The following HOXC4 variants were observed in gnomAD, a reference collection of about 807,000 sequenced individuals.
The protein encoded by HOXC4 is homeobox C4, also known as homeobox protein Hox-C4.
Under a neutral mutation model 25.5 loss-of-function variants are expected in HOXC4, and 15 were observed. That is an observed-to-expected ratio of 0.59 (90% confidence interval 0.39 to 0.91). HOXC4 has a LOEUF of 0.91. HOXC4 is among the 40% of genes least tolerant of loss of function. HOXC4 has a pLI of 0.00. For synonymous variants in HOXC4, 165 were observed against 148.0 expected (o/e 1.11, Z -0.83); for missense variants, 342 against 352.4 (o/e 0.97, Z 0.24).
intron 1 of HOXC4, among the ~76,000 whole-genome samples, chr12:54,029,242 G>A (rs996816155): frequency 2.6e-5 from 4 of 152,226 alleles, no homozygotes; most frequent in Non-Finnish European, 4.4e-5. Flanking sequence ...AAGGGAGGGG[G>A]AGAGGAGAGG....
intron 1 of HOXC4, among the ~76,000 whole-genome samples, chr12:54,031,478 C>A (rs1255353579): frequency 6.6e-6 from 1 of 152,202 alleles, no homozygotes; most frequent in Non-Finnish European, 1.5e-5. Flanking sequence ...CAGCTCCAGC[C>A]GGGCTGGTTC....
intron 1 of HOXC4, chr12:54,037,704 A>G (rs747923643): frequency 3.3e-5 from 5 of 152,264 alleles, no homozygotes; most frequent in Non-Finnish European, 7.3e-5. Flanking sequence ...AGCATTAGAG[A>G]AATAGGCATG....
intron 1 of HOXC4, among the ~76,000 whole-genome samples, chr12:54,037,566 G>C (rs754861605): frequency 6.6e-6 from 1 of 152,214 alleles, no homozygotes; most frequent in Admixed American, 6.5e-5. Flanking sequence ...CCTCGAAGGC[G>C]ACAGGTCCTT....
At chr12:54,026,293 C>T (rs1346094450) in intron 1 of HOXC4, among the ~76,000 whole-genome samples, 1 of 152,170 alleles carries the variant, frequency 6.6e-6, no homozygotes, top group Non-Finnish European at 1.5e-5. Context: ...GTCTCTCCCC[C>T]ACCTCTTGCC....
intron 1 of HOXC4, chr12:54,034,967 CG>C (rs1366932401): frequency 5.5e-6 from 1 of 181,080 alleles, no homozygotes; most frequent in East Asian, 1.3e-4. Flanking sequence ...GCCCTAGACT[CG>C]GGGTGCTTCC....
chr12:54,041,332 C>A (rs1941268323), intron 1 of HOXC4, among the ~76,000 whole-genome samples: 1 of 152,250 alleles, frequency 6.6e-6, no homozygotes. Context: ...CCAGCCACTT[C>A]TCTAGAGCTT....
intron 1 of HOXC4, among the ~76,000 whole-genome samples, chr12:54,025,374 GA>G (rs1940644573): frequency 6.6e-6 from 1 of 152,100 alleles, no homozygotes; most frequent in South Asian, 2.1e-4. Context: ...CATGAAATGG[GA>G]AAAAGAAAAT....
At position 54,055,241 on chromosome 12, in the gene HOXC4, C is replaced by G; in HGVS notation, c.*36C>G. The G allele has an allele frequency of 1.9e-6, 2 of 1,049,532 alleles. No homozygotes were observed. The highest frequency in any genetic ancestry group is 1.3e-6 in the Non-Finnish European group (1 of 749,064). 65.0% of individuals were successfully genotyped at this position (1,049,532 alleles called of 1,614,324 possible). ...ACACCCCTGCCCCCACCCCATGCCC[C>G]CACCCTCCCCTCACACACAAATTGA... On this transcript the variant is annotated 3_prime_UTR_variant, in exon 2 of 2. Transcript: ENST00000430889.
intron 1 of HOXC4, among the ~76,000 whole-genome samples, chr12:54,027,583 T>C (rs573003587): frequency 3.9e-5 from 6 of 152,226 alleles, no homozygotes; most frequent in African/African-American, 1.2e-4. Context: ...CTCTCTGTCT[T>C]TCCCCCTCCG....
intron 1 of HOXC4, among the ~76,000 whole-genome samples, chr12:54,026,623 C>G (rs1223934614): frequency 6.6e-6 from 1 of 152,130 alleles, no homozygotes; most frequent in Non-Finnish European, 1.5e-5. Flanking sequence ...AGGATTGGGG[C>G]TGTATTTTCT....
At chr12:54,033,435 C>A in intron 1 of HOXC4, 1 of 1,602,564 alleles carries the variant, frequency 6.2e-7, no homozygotes, top group African/African-American at 1.3e-5. Flanking sequence ...GAAGGCGGCT[C>A]GCCCGGCGCT....
At chr12:54,054,747 C>A in intron 1 of HOXC4, 103 bp from the exon 2 acceptor site, 1 of 747,520 alleles carries the variant, frequency 1.3e-6, no homozygotes, top group Non-Finnish European at 2.2e-6. Context: ...TTTATTTCCA[C>A]CACTCCCTCC....
intron 1 of HOXC4, chr12:54,033,018 C>T: frequency 1.2e-6 from 1 of 844,140 alleles, no homozygotes; most frequent in East Asian, 2.6e-5. Flanking sequence ...ATATCTCCAC[C>T]TATAAATTGT....
intron 1 of HOXC4, among the ~76,000 whole-genome samples, chr12:54,040,598 A>T (rs1941256814): frequency 6.6e-6 from 1 of 152,228 alleles, no homozygotes; most frequent in Admixed American, 6.5e-5. Flanking sequence ...CCTCTGGATT[A>T]TTCCCACGTT....
intron 1 of HOXC4, among the ~76,000 whole-genome samples, chr12:54,023,876 T>C (rs966926244): frequency 6.6e-6 from 1 of 152,144 alleles, no homozygotes; most frequent in Non-Finnish European, 1.5e-5. Context: ...GCTTTGGTGT[T>C]CCCAAACAGC....
chr12:54,026,521 G>A (rs968630744), intron 1 of HOXC4, among the ~76,000 whole-genome samples: 3 of 152,186 alleles, frequency 2.0e-5, no homozygotes, highest in African/African-American at 7.2e-5. Context: ...TCCTTGGGGA[G>A]AAGAAAGTGT....
At chr12:54,034,531 G>T (rs1486767767) in intron 1 of HOXC4, 2 of 1,542,364 alleles carry the variant, frequency 1.3e-6, no homozygotes, top group Admixed American at 3.4e-5. Context: ...CCCCTAGCCG[G>T]TTCCTGTCCC....
intron 1 of HOXC4, chr12:54,033,324 C>CG (rs1565745267): frequency 6.2e-7 from 1 of 1,613,620 alleles, no homozygotes; most frequent in African/African-American, 1.3e-5. Context: ...TGCCAACCCC[C>CG]GGGCTCACCC....
intron 1 of HOXC4, among the ~76,000 whole-genome samples, chr12:54,045,913 C>T (rs949409335): frequency 3.9e-5 from 6 of 152,122 alleles, no homozygotes; most frequent in Non-Finnish European, 8.8e-5. Flanking sequence ...ACCTGAGATC[C>T]AAGCCGAAGC....
Sources: gnomAD v4.1 joint callset for allele counts (sites outside exome capture counted in the v4.1 genomes callset) on GRCh38, gnomAD v4.1.1 for gene constraint, MANE v1.5 for transcripts, NCBI Gene and HGNC (gene_info 2026-07-23, HGNC 2026-07-21) for gene names.